Variants in SGCZ observed in about 807,000 individuals in gnomAD.
The protein encoded by SGCZ is zeta-sarcoglycan.
In SGCZ, 40 loss-of-function variants were observed where a neutral mutation model predicts 41.3. The ratio of observed to expected loss-of-function variants is 0.97; its 90% confidence interval spans 0.75 to 1.26. The LOEUF (loss-of-function observed/expected upper bound fraction) is 1.26, where lower values mean the gene tolerates loss of function less well. Ranked by LOEUF, SGCZ falls within the 50% of genes most tolerant of loss-of-function variation. The pLI, the probability that SGCZ is intolerant of heterozygous loss-of-function variation, is 0.00. For synonymous variants in SGCZ, 206 were observed against 137.5 expected, an observed-to-expected ratio of 1.50 and a Z score of -3.49; for missense variants, 552 against 369.8, an observed-to-expected ratio of 1.49 and a Z score of -4.04.
At chr8:14,372,250 T>A (rs1199977756) in intron 2 of SGCZ, among the ~76,000 whole-genome samples, 1 of 152,152 alleles carries the variant, frequency 6.6e-6, no homozygotes, top group African/African-American at 2.4e-5. Flanking sequence ...GAAACAGAAG[T>A]CTCTTAGTAA....
At chr8:14,142,498 T>C (rs1458971352) in intron 5 of SGCZ, among the ~76,000 whole-genome samples, 1 of 152,144 alleles carries the variant, frequency 6.6e-6, no homozygotes, top group Non-Finnish European at 1.5e-5. Flanking sequence ...ATTTAGGCAC[T>C]TTATGTATTT....
At chr8:14,283,092 G>A (rs574881541) in intron 3 of SGCZ, among the ~76,000 whole-genome samples, 6 of 151,630 alleles carry the variant, frequency 4.0e-5, no homozygotes, top group African/African-American at 9.7e-5. Flanking sequence ...CTCGTGATCC[G>A]CCCGCCTCGG....
At chr8:14,809,937 T>A in intron 1 of SGCZ, among the ~76,000 whole-genome samples, 1 of 152,234 alleles carries the variant, frequency 6.6e-6, no homozygotes, top group Middle Eastern at 3.4e-3. Context: ...TTTAGATACT[T>A]AGAATCTATT....
intron 2 of SGCZ, among the ~76,000 whole-genome samples, chr8:14,494,603 T>A (rs753330584): frequency 6.6e-5 from 10 of 152,128 alleles, no homozygotes; most frequent in Non-Finnish European, 1.0e-4. Flanking sequence ...AGTTGTTTGA[T>A]TTTGTATTTT....
At chr8:14,590,874 C>T (rs963221609) in intron 1 of SGCZ, among the ~76,000 whole-genome samples, 2 of 148,044 alleles carry the variant, frequency 1.4e-5, no homozygotes, top group East Asian at 2.0e-4. Flanking sequence ...TTATAAAGTA[C>T]TTATACTATA....
chr8:15,011,436 T>G (rs1802824216), intron 1 of SGCZ, among the ~76,000 whole-genome samples: 1 of 152,322 alleles, frequency 6.6e-6, no homozygotes, highest in Non-Finnish European at 1.5e-5. Flanking sequence ...CTGAAAAATC[T>G]AAATAAATCA....
chr8:14,438,637 G>T (rs953418427), intron 2 of SGCZ, among the ~76,000 whole-genome samples: 40 of 151,892 alleles, frequency 2.6e-4, no homozygotes, highest in African/African-American at 9.2e-4. Context: ...GAATAATTTG[G>T]ATAAATTTTG....
At chr8:15,005,832 T>A (rs944892990) in intron 1 of SGCZ, among the ~76,000 whole-genome samples, 1 of 152,244 alleles carries the variant, frequency 6.6e-6, no homozygotes, top group African/African-American at 2.4e-5. Flanking sequence ...TCTGACCTTA[T>A]AAGGTTTGAC....
At chr8:15,156,587 A>G (rs573413007) in intron 1 of SGCZ, among the ~76,000 whole-genome samples, 4 of 152,182 alleles carry the variant, frequency 2.6e-5, no homozygotes, top group Non-Finnish European at 4.4e-5. Context: ...GAAAACGTCC[A>G]TTATCTCGTT....
At chr8:14,248,132 G>C (rs1242714132) in intron 3 of SGCZ, among the ~76,000 whole-genome samples, 1 of 152,128 alleles carries the variant, frequency 6.6e-6, no homozygotes, top group African/African-American at 2.4e-5. Flanking sequence ...TAGAATTCTA[G>C]AATGGAACTC....
chr8:14,245,170 G>C (rs566008570), intron 3 of SGCZ, among the ~76,000 whole-genome samples: 12 of 152,102 alleles, frequency 7.9e-5, no homozygotes, highest in African/African-American at 2.2e-4. Context: ...CTGTCTTGTG[G>C]CAGTTTTCAA....
At chr8:14,716,288 G>T (rs144507505) in intron 1 of SGCZ, among the ~76,000 whole-genome samples, 1 of 152,094 alleles carries the variant, frequency 6.6e-6, no homozygotes, top group African/African-American at 2.4e-5. Context: ...GAGAAAAATA[G>T]GAGCCCATGA....
At chr8:15,102,285 T>A (rs1806644496) in intron 1 of SGCZ, among the ~76,000 whole-genome samples, 1 of 152,162 alleles carries the variant, frequency 6.6e-6, no homozygotes, top group African/African-American at 2.4e-5. Context: ...ATTTGCTAAG[T>A]GTTTCCAACT....
At chr8:14,625,580 T>C (rs1167517009) in intron 1 of SGCZ, among the ~76,000 whole-genome samples, 2 of 152,026 alleles carry the variant, frequency 1.3e-5, no homozygotes, top group African/African-American at 2.4e-5. Flanking sequence ...TAGTGTTTTG[T>C]TGTTGTTGTT....
rs549880311 is a variant in SGCZ, at chr8:15,135,255, A to C, written c.39+102330T>G. Among the ~76,000 whole-genome samples the C allele has an allele frequency of 8.5e-5, 13 of 152,278 alleles. No homozygotes were observed. The South Asian group carries it at 2.5e-3, about 29-fold the overall frequency. ...AGGCAAATACTCTATTTCTAACAAC[A>C]CTTTCTACCTAAAATATTGCTGAAA... is the stretch of plus-strand genomic sequence containing the variant. On this transcript the variant is annotated intron_variant, in intron 1 of 7. Transcript: ENST00000382080.
chr8:14,694,342 G>T (rs1399264545), intron 1 of SGCZ, among the ~76,000 whole-genome samples: 8 of 152,126 alleles, frequency 5.3e-5, no homozygotes, highest in Non-Finnish European at 1.2e-4. Context: ...TACAGGCAAA[G>T]AATCTATTTT....
intron 1 of SGCZ, among the ~76,000 whole-genome samples, chr8:15,206,038 T>C (rs536278731): frequency 2.3e-4 from 35 of 151,412 alleles, no homozygotes; most frequent in African/African-American, 7.3e-4. Context: ...GGATGGAGGG[T>C]GGGAGGAGGG....
At chr8:14,265,681 G>A (rs11990597) in intron 3 of SGCZ, among the ~76,000 whole-genome samples, 1,860 of 151,330 alleles carry the variant, frequency 0.012, 45 homozygotes, top group African/African-American at 0.041. Context: ...TCCCTAAACA[G>A]TAAAAAGGTT....
chr8:14,277,988 G>A lies in SGCZ; in HGVS notation c.337-40309C>T, dbSNP rs897771155. Reference sequence around the variant, plus strand: ...AGACAGAATTTTTATCTACTCTTCTGAGGGCAGCACGAAGAGATTACCTAT... The same window carrying A: ...AGACAGAATTTTTATCTACTCTTCTAAGGGCAGCACGAAGAGATTACCTAT... On this transcript the variant is annotated intron_variant, in intron 3 of 7. Transcript: ENST00000382080. Among the ~76,000 whole-genome samples, 16 of 152,264 alleles carry A rather than the reference G, an allele frequency of 1.1e-4. No homozygotes were observed. The South Asian group carries it at 1.9e-3, about 18-fold the overall frequency.
Sources: allele counts gnomAD v4.1 joint callset (sites outside exome capture counted in the v4.1 genomes callset), GRCh38; gene constraint gnomAD v4.1.1; transcripts MANE v1.5; gene names NCBI Gene and HGNC (gene_info 2026-07-23, HGNC 2026-07-21).